The following DPP10 variants were observed in gnomAD, a reference collection of about 807,000 sequenced individuals.
The protein encoded by DPP10 is dipeptidyl peptidase like 10, also known as inactive dipeptidyl peptidase 10.
DPP10 carries 33 observed loss-of-function variants against 120.9 expected under a neutral mutation model. The ratio of observed to expected loss-of-function variants is 0.27; its 90% confidence interval spans 0.21 to 0.37. DPP10 has a LOEUF of 0.37. Ranked by LOEUF, DPP10 falls within the 10% of genes least tolerant of loss-of-function variation. DPP10 has a pLI of 1.00. For missense variants in DPP10, 816 were observed against 942.8 expected, an observed-to-expected ratio of 0.87 and a Z score of 1.76; for synonymous variants, 337 against 326.1, an observed-to-expected ratio of 1.03 and a Z score of -0.36.
intron 5 of DPP10, among the ~76,000 whole-genome samples, chr2:115,531,988 A>G (rs569983754): frequency 1.3e-5 from 2 of 152,232 alleles, no homozygotes; most frequent in African/African-American, 2.4e-5. Context: ...ACTATGATAT[A>G]CCATTCCATT....
chr2:115,387,398 A>C (rs1338105019), intron 3 of DPP10, among the ~76,000 whole-genome samples: 1 of 152,224 alleles, frequency 6.6e-6, no homozygotes. Context: ...GAGATTTACT[A>C]TAAATTTCTC....
chr2:115,018,941 C>G (rs948394159), intron 1 of DPP10, among the ~76,000 whole-genome samples: 6 of 152,170 alleles, frequency 3.9e-5, no homozygotes, highest in African/African-American at 1.4e-4. Flanking sequence ...AGCCCCACTT[C>G]TGCCGCTGGT....
At chr2:115,672,634 T>TTCTTTCTTTCTTTCTTTCTC (rs2089962452) in intron 5 of DPP10, among the ~76,000 whole-genome samples, 2 of 148,260 alleles carry the variant, frequency 1.3e-5, no homozygotes, top group Non-Finnish European at 3.0e-5. Context: ...CTTTCTTTCT[T>TTCTTTCTTTCTTTCTTTCTC]TCTTTCTTTC....
At chr2:114,619,790 A>G (rs1693957575) in intron 1 of DPP10, among the ~76,000 whole-genome samples, 1 of 151,950 alleles carries the variant, frequency 6.6e-6, no homozygotes, top group Non-Finnish European at 1.5e-5. Flanking sequence ...GTTCTTCTGC[A>G]GGGGGCTCAG....
intron 3 of DPP10, among the ~76,000 whole-genome samples, chr2:115,363,712 C>G (rs2064921858): frequency 6.6e-6 from 1 of 152,200 alleles, no homozygotes; most frequent in South Asian, 2.1e-4. Flanking sequence ...ATTCTTGACT[C>G]CATCTCTTAT....
At chr2:114,932,918 C>A (rs369806577) in intron 1 of DPP10, among the ~76,000 whole-genome samples, 1 of 152,104 alleles carries the variant, frequency 6.6e-6, no homozygotes, top group Non-Finnish European at 1.5e-5. Context: ...TCACCTAACC[C>A]GGGGCAATCA....
intron 5 of DPP10, among the ~76,000 whole-genome samples, chr2:115,552,000 G>A (rs968546702): frequency 3.3e-5 from 5 of 152,114 alleles, no homozygotes; most frequent in African/African-American, 1.2e-4. Context: ...ACTGATGCCT[G>A]TGACCTTGCT....
intron 1 of DPP10, among the ~76,000 whole-genome samples, chr2:114,865,969 G>A (rs1048042686): frequency 7.2e-5 from 11 of 151,978 alleles, no homozygotes; most frequent in Non-Finnish European, 1.2e-4. Context: ...AAAATTAGCC[G>A]GGCGTGGTCG....
At chr2:115,206,515 A>G (rs769270509) in intron 1 of DPP10, among the ~76,000 whole-genome samples, 2 of 152,204 alleles carry the variant, frequency 1.3e-5, no homozygotes, top group Non-Finnish European at 2.9e-5. Context: ...CCCATATTTG[A>G]CAACAAAACC....
intron 3 of DPP10, among the ~76,000 whole-genome samples, chr2:115,478,249 A>G (rs763150469): frequency 5.8e-4 from 88 of 152,154 alleles, no homozygotes; most frequent in Admixed American, 2.0e-4. Context: ...CCCAGAAATA[A>G]ATTCTCAAAT....
chr2:115,336,317 G>A (rs960930848), intron 2 of DPP10, among the ~76,000 whole-genome samples: 1 of 151,902 alleles, frequency 6.6e-6, no homozygotes, highest in African/African-American at 2.4e-5. Flanking sequence ...CAGTTCTGTT[G>A]CCACATTCAT....
intron 15 of DPP10, among the ~76,000 whole-genome samples, chr2:115,778,927 A>T (rs1195735961): frequency 6.6e-6 from 1 of 152,086 alleles, no homozygotes; most frequent in African/African-American, 2.4e-5. Flanking sequence ...TGGATTCGGG[A>T]TCTTGATCAA....
At chr2:115,666,572 T>C (rs1309097974) in intron 5 of DPP10, among the ~76,000 whole-genome samples, 1 of 152,164 alleles carries the variant, frequency 6.6e-6, no homozygotes, top group Non-Finnish European at 1.5e-5. Flanking sequence ...TCCATGATGC[T>C]GCAAAGGACA....
At chr2:115,616,461 T>A (rs1319738786) in intron 5 of DPP10, among the ~76,000 whole-genome samples, 2 of 151,722 alleles carry the variant, frequency 1.3e-5, no homozygotes, top group Non-Finnish European at 2.9e-5. Flanking sequence ...AATCTAGACA[T>A]GCAGATCAAT....
chr2:115,391,486 A>G (rs1194354515), intron 3 of DPP10, among the ~76,000 whole-genome samples: 3 of 152,166 alleles, frequency 2.0e-5, no homozygotes, highest in Admixed American at 6.5e-5. Flanking sequence ...CTCACAGCAC[A>G]TGAGTTGGTG....
rs145687622 is a variant in DPP10, at chr2:115,720,557, T to TA, written c.577-7253dup. On this transcript the variant is annotated intron_variant, in intron 7 of 25. Coordinates refer to ENST00000410059, the MANE Select transcript of DPP10 (RefSeq NM_020868.6). The stretch of plus-strand genomic sequence containing the variant: ...TGTCTTATTCTTACAATATCTCTGA[T>TA]AAAAAATAACTGTAAATGTACTTAT... Among the ~76,000 whole-genome samples, 518 of 152,166 alleles carry TA rather than the reference T, an allele frequency of 3.4e-3. 2 individuals are homozygous for TA. Among genetic ancestry groups the TA allele is most frequent in the Middle Eastern group, 0.01 (3 of 292 alleles).
intron 1 of DPP10, among the ~76,000 whole-genome samples, chr2:114,915,988 A>T (rs934427943): frequency 6.6e-6 from 1 of 152,148 alleles, no homozygotes; most frequent in African/African-American, 2.4e-5. Flanking sequence ...AACCAAAATC[A>T]GAGCTGAATT....
intron 5 of DPP10, among the ~76,000 whole-genome samples, chr2:115,677,715 G>A (rs182696419): frequency 6.6e-6 from 1 of 152,118 alleles, no homozygotes; most frequent in Non-Finnish European, 1.5e-5. Context: ...TAAGCAAGAG[G>A]ATATAACAAT....
intron 3 of DPP10, among the ~76,000 whole-genome samples, chr2:115,483,738 C>T (rs549744642): frequency 3.8e-4 from 58 of 152,208 alleles, no homozygotes; most frequent in African/African-American, 9.6e-4. Flanking sequence ...GCCTTACTGG[C>T]AGACTTACTT....
Sources: allele counts gnomAD v4.1 joint callset (sites outside exome capture counted in the v4.1 genomes callset), GRCh38; gene constraint gnomAD v4.1.1; transcripts MANE v1.5; gene names NCBI Gene and HGNC (gene_info 2026-07-23, HGNC 2026-07-21).